MOB3C: variants seen among roughly 807,000 people sequenced by gnomAD.
MOB3C encodes the protein MOB kinase activator 3C.
In MOB3C, 17 loss-of-function variants were observed where a neutral mutation model predicts 19.8. The observed-to-expected ratio is 0.86, with a 90% CI of 0.59 to 1.29. MOB3C has a LOEUF of 1.29. Ranked by LOEUF, MOB3C falls within the 50% of genes most tolerant of loss-of-function variation. The pLI is 0.00. For missense variants in MOB3C, 291 were observed against 301.9 expected (o/e 0.96, Z 0.27); for synonymous variants, 101 against 119.2 (o/e 0.85, Z 0.99).
intron 2 of MOB3C, among the ~76,000 whole-genome samples, chr1:46,610,826 A>G (rs10890408): frequency 0.51 from 78,159 of 152,080 alleles, 20,687 homozygotes; most frequent in East Asian, 0.91. Context: ...GACTATGATA[A>G]AAGTTACGAC....
chr1:46,615,239 C>T, intron 1 of MOB3C: 2 of 600,864 alleles, frequency 3.3e-6, no homozygotes, highest in South Asian at 2.1e-5. Context: ...ACCTTTCCTG[C>T]CCCACTTCCC....
chr1:46,613,166 G>A lies in MOB3C; in HGVS notation c.156C>T (p.Pro52=), dbSNP rs1358035782. 6 of 1,614,126 alleles carry A rather than the reference G, an allele frequency of 3.7e-6. No homozygotes were observed. The highest frequency in any genetic ancestry group is 2.2e-5 in the East Asian group (1 of 44,906). Residue 52 remains proline (P), a synonymous_variant, in exon 2 of 4, where the codon CCC becomes CCT. Coordinates refer to ENST00000319928, the MANE Select transcript of MOB3C (RefSeq NM_201403.3). Reference sequence around the variant, plus strand: ...CGATCCAGTCGTCGATGTTCTCCCCGGGTGGTAGCCTCACCACACTGCGCA... The same window carrying A: ...CGATCCAGTCGTCGATGTTCTCCCCAGGTGGTAGCCTCACCACACTGCGCA... The part of the protein sequence containing the change: ...LDLRSVVRLP[P]GENIDDWIAV...
At chr1:46,616,276 C>T (rs2148805741) in intron 1 of MOB3C, 1 of 152,398 alleles carries the variant, frequency 6.6e-6, no homozygotes, top group African/African-American at 2.4e-5. Context: ...CAGAGGATGG[C>T]CCCAGTTTGA....
rs760790805 is a variant in MOB3C, at chr1:46,609,616, G to A, written c.*39C>T. 1.9e-6 allele frequency: 3 copies of A among 1,613,932 alleles called. No individual in the cohort carries two copies. The East Asian group carries it at 6.7e-5, about 36-fold the overall frequency. ...CCCTCTGCCAGCCACCCTATGTTCA[G>A]ATCGTCCATCTGATGGCCAAAAAAG... On this transcript the variant is annotated 3_prime_UTR_variant, in exon 4 of 4. Coordinates refer to ENST00000319928, the MANE Select transcript of MOB3C (RefSeq NM_201403.3).
At chr1:46,609,779 GC>G in intron 3 of MOB3C, 95 bp from the exon 4 acceptor site, 1 of 1,528,352 alleles carries the variant, frequency 6.5e-7, no homozygotes, top group Non-Finnish European at 8.9e-7. Context: ...TTCTGTCTGA[GC>G]CTGGCCTTCC....
chr1:46,613,229 G>C lies in MOB3C; in HGVS notation c.93C>G (p.Tyr31Ter). The C allele has an allele frequency of 6.2e-7, 1 of 1,614,172 alleles. No individual in the cohort carries two copies. The highest frequency in any genetic ancestry group is 1.3e-5 in the African/African-American group (1 of 75,074). ...ACTTGAGAGAGGCCTGTGCCTTCTT[G>C]TACAGCTCAAAGCGCTGTGTGCCCG... ...FEPGTQRFEL[Y>*]KKAQASLKSG... is the part of the protein sequence containing the mutation. The change falls in exon 2 of 4, where the codon TAC becomes TAG. Residue 31 changes from tyrosine to a stop codon, truncating the protein, a stop_gained. Coordinates refer to ENST00000319928, the MANE Select transcript of MOB3C (RefSeq NM_201403.3). LOFTEE classifies it high-confidence loss of function.
chr1:46,613,703 C>T, intron 1 of MOB3C: 1 of 316,956 alleles, frequency 3.2e-6, no homozygotes, highest in Non-Finnish European at 5.9e-6. Context: ...GGCCCACCAG[C>T]AGACAGGGGC....
chr1:46,611,205 C>T lies in MOB3C; in HGVS notation c.419-1001G>A, dbSNP rs1363057826. 6.6e-6 allele frequency among the ~76,000 whole-genome samples: 1 copy of T among 152,222 alleles called. No homozygotes were observed. Among genetic ancestry groups the T allele is most frequent in the Non-Finnish European group, 1.5e-5 (1 of 68,044 alleles). ...GTGCTGGGCCCTTCACACCTTTTGC[C>T]TCTAATCCTTAGAACAATTCGCCTG... On this transcript the variant is annotated intron_variant, in intron 2 of 3. Transcript: ENST00000319928. This position sits in a 1 kb window ranked among gnomAD's most constrained non-coding sequence, Gnocchi z 4.1.
chr1:46,616,494 A>ACCCCCCCCCCCCCCCCC (rs1675563605), intron 1 of MOB3C: 1 of 135,174 alleles, frequency 7.4e-6, no homozygotes, highest in African/African-American at 2.8e-5. Flanking sequence ...ACGCCCCCCA[A>ACCCCCCCCCCCCCCCCC]CCCCTCCCCT....
intron 2 of MOB3C, among the ~76,000 whole-genome samples, 193 bp downstream of exon 2, chr1:46,612,711 A>G (rs570932578): frequency 6.6e-6 from 1 of 152,128 alleles, no homozygotes; most frequent in East Asian, 1.9e-4. Flanking sequence ...GAAAAGCCCC[A>G]AATTGGGAGT....
rs1675468982 is a variant in MOB3C at position 46,611,408 on chromosome 1, C to T, written c.419-1204G>A. Among the ~76,000 whole-genome samples, 1 of 152,200 alleles carries T rather than the reference C, an allele frequency of 6.6e-6. No individual in the cohort carries two copies. The highest frequency in any genetic ancestry group is 1.5e-5 in the Non-Finnish European group (1 of 68,044). On this transcript the variant is annotated intron_variant, in intron 2 of 3. Coordinates refer to ENST00000319928, the MANE Select transcript of MOB3C (RefSeq NM_201403.3). The surrounding 1 kb of genome is among the most constrained non-coding windows in gnomAD (Gnocchi z 4.1). ...GGGACCCATGAAAAAGGCCCCGCTT[C>T]TGCATAGTCCCCCATGCTCAAGGCA...
intron 1 of MOB3C, chr1:46,613,710 G>A (rs1675515533): frequency 3.2e-6 from 1 of 311,052 alleles, no homozygotes; most frequent in East Asian, 6.1e-5. Context: ...CAGCAGACAG[G>A]GGCTTGGACG....
At position 46,613,306 on chromosome 1, in the gene MOB3C, T is replaced by G. The variant is rs768567480; in HGVS notation, c.16A>C (p.Lys6Gln). 6.2e-7 allele frequency: 1 copy of G among 1,606,022 alleles called. No individual in the cohort carries two copies. The highest frequency in any genetic ancestry group is 8.5e-7 in the Non-Finnish European group (1 of 1,179,994). Residue 6 changes from lysine (K) to glutamine (Q), a missense_variant, in exon 2 of 4, where the codon AAG becomes CAG. Transcript: ENST00000319928. Reference sequence around the variant, plus strand: ...GTCTTGTCCTTGGCGAACACCTGCTTCAGGCACAGGGCCATGGCCAGCTGG... The same window carrying G: ...GTCTTGTCCTTGGCGAACACCTGCTGCAGGCACAGGGCCATGGCCAGCTGG... The part of the protein sequence containing the change: MALCL[K>Q]QVFAKDKTFR...
At position 46,610,131 on chromosome 1, in the gene MOB3C, A is replaced by G. The variant is rs757248053; in HGVS notation, c.492T>C (p.His164=). 1.9e-5 allele frequency: 31 copies of G among 1,614,176 alleles called. No homozygotes were observed. Among genetic ancestry groups the G allele is most frequent in the Non-Finnish European group, 2.6e-5 (31 of 1,180,032 alleles). Residue 164 remains histidine (H), a synonymous_variant, in exon 3 of 4, where the codon CAT becomes CAC. Transcript: ENST00000319928. ...ILTRLFRVFV[H]VYIHHFDSIL... ...TGCTATCGAAGTGGTGGATGTAGAC[A>G]TGGACAAAGACTCGGAAGAGGCGGG...
chr1:46,610,056 G>C lies in MOB3C; in HGVS notation c.567C>G (p.Phe189Leu). The change falls in exon 3 of 4, where the codon TTC (phenylalanine) becomes TTG (leucine). Residue 189 changes from phenylalanine to leucine, a missense_variant. Physicochemically the swap from Phe to Leu is conservative, Grantham distance 22. Transcript: ENST00000319928. Reference protein sequence around the residue: ...EAHVNTCYKHFYYFIREFSLV... With the variant: ...EAHVNTCYKHLYYFIREFSLV... ...GACTGAACTCGCGGATGAAGTAGTA[G>C]AAGTGCTTGTAGCAGGTGTTGACGT... 6.2e-7 allele frequency: 1 copy of C among 1,614,254 alleles called. No individual in the cohort carries two copies. The highest frequency in any genetic ancestry group is 8.5e-7 in the Non-Finnish European group (1 of 1,180,054).
Position 46,609,207 on chromosome 1 carries a change from T to G in MOB3C, c.*448A>C, listed in dbSNP as rs113023443. ...GCCAAGGAGGGGTAAGGCAGCTAGC[T>G]CTCACAGACACACCCCACAGTGAAA... is the stretch of plus-strand genomic sequence containing the variant. On this transcript the variant is annotated 3_prime_UTR_variant, in exon 4 of 4. Coordinates refer to ENST00000319928, the MANE Select transcript of MOB3C (RefSeq NM_201403.3). 100 of 233,954 alleles carry G rather than the reference T, an allele frequency of 4.3e-4. No homozygotes were observed. The highest frequency in any genetic ancestry group is 2.1e-3 in the African/African-American group (92 of 43,072). 14.5% of individuals were successfully genotyped at this position (233,954 alleles called of 1,614,324 possible).
intron 1 of MOB3C, 78 bp from the exon 2 acceptor site, chr1:46,613,449 C>A: frequency 7.5e-7 from 1 of 1,330,666 alleles, no homozygotes; most frequent in South Asian, 1.4e-5. Flanking sequence ...TTCATCATTT[C>A]CCTGTCACCT....
At chr1:46,613,560 TG>T (rs1570381789) in intron 1 of MOB3C, 189 bp from the exon 2 acceptor site, 4 of 604,714 alleles carry the variant, frequency 6.6e-6, no homozygotes, top group Non-Finnish European at 1.2e-5. Context: ...TAGTCCCCCT[TG>T]CTAAGCCCCC....
In MOB3C at chr1:46,608,632, T is replaced by C. The variant is rs1675408411; in HGVS notation, c.*1023A>G. On this transcript the variant is annotated 3_prime_UTR_variant, in exon 4 of 4. Transcript: ENST00000319928. This position sits in a 1 kb window ranked among gnomAD's most constrained non-coding sequence, Gnocchi z 4.5. ...AATGTGCTGGGATGGGAGACAAGAC[T>C]CCAAAGTTCCCAATTCAAGTTCCAC... 1 of 152,628 alleles carries C rather than the reference T, an allele frequency of 6.6e-6. No homozygotes were observed. Among genetic ancestry groups the C allele is most frequent in the South Asian group, 2.1e-4 (1 of 4,830 alleles). 9.5% of individuals were successfully genotyped at this position (152,628 alleles called of 1,614,324 possible).
Sources: gnomAD v4.1 joint callset for allele counts (sites outside exome capture counted in the v4.1 genomes callset) on GRCh38, gnomAD v4.1.1 for gene constraint, Gnocchi (gnomAD v3.1) non-coding constraint, MANE v1.5 for transcripts, NCBI Gene and HGNC (gene_info 2026-07-23, HGNC 2026-07-21) for gene names.